Variants in TUSC3 observed in about 807,000 individuals in gnomAD.
TUSC3 encodes the protein tumor suppressor candidate 3.
A neutral mutation model predicts 44.8 loss-of-function variants in TUSC3; 45 were observed. That is an observed-to-expected ratio of 1.00 (90% CI 0.79 to 1.29). The LOEUF (loss-of-function observed/expected upper bound fraction) is 1.29, where lower values mean the gene tolerates loss of function less well. TUSC3 is among the 50% of genes most tolerant of loss of function. The pLI is 0.00. For missense variants in TUSC3, 519 were observed against 437.9 expected, an observed-to-expected ratio of 1.19 and a Z score of -1.65; for synonymous variants, 212 against 152.9, an observed-to-expected ratio of 1.39 and a Z score of -2.85.
chr8:15,670,357 A>G (rs951528060), intron 5 of TUSC3, among the ~76,000 whole-genome samples: 1 of 151,908 alleles, frequency 6.6e-6, no homozygotes, highest in Non-Finnish European at 1.5e-5. Context: ...ACATAAAGCC[A>G]TCTGGAACAG....
chr8:15,685,834 G>T (rs1216231345), intron 6 of TUSC3, among the ~76,000 whole-genome samples: 1 of 150,276 alleles, frequency 6.7e-6, no homozygotes, highest in Non-Finnish European at 1.5e-5. Flanking sequence ...GGAGTATTTT[G>T]TTGGGTATTC....
At chr8:15,810,960 A>G in the TUSC3 span, among the ~76,000 whole-genome samples, 1 of 152,154 alleles carries the variant, frequency 6.6e-6, no homozygotes, top group East Asian at 1.9e-4. Flanking sequence ...GTAAGGAGAC[A>G]TGATCGTGTG....
the TUSC3 span, among the ~76,000 whole-genome samples, chr8:15,775,661 TAC>T: frequency 1.4e-5 from 2 of 139,030 alleles, no homozygotes; most frequent in African/African-American, 2.7e-5. Context: ...CACACACATA[TAC>T]ATATATACAC....
intron 1 of TUSC3, among the ~76,000 whole-genome samples, chr8:15,622,306 T>C (rs1341935002): frequency 6.6e-6 from 1 of 150,744 alleles, no homozygotes; most frequent in Non-Finnish European, 1.5e-5. Context: ...CCTTTCTTTC[T>C]TTTTTTTTAG....
chr8:15,499,265 G>C (rs1220769191), intron 2 of TUSC3, among the ~76,000 whole-genome samples: 3 of 152,026 alleles, frequency 2.0e-5, no homozygotes, highest in Non-Finnish European at 4.4e-5. Flanking sequence ...GCATTTCTAT[G>C]TTTTCCTTAT....
intron 5 of TUSC3, among the ~76,000 whole-genome samples, chr8:15,671,130 T>C (rs1807930366): frequency 6.6e-6 from 1 of 151,958 alleles, no homozygotes; most frequent in South Asian, 2.1e-4. Context: ...TGTTTGGTTT[T>C]ATCTGCTAAA....
chr8:15,747,501 T>C (rs146526698), intron 8 of TUSC3, among the ~76,000 whole-genome samples: 1,660 of 152,114 alleles, frequency 0.011, 27 homozygotes, highest in African/African-American at 0.037. Context: ...TGGCTCAGAT[T>C]AAGTATTTAA....
chr8:15,585,659 C>T (rs533280793), intron 1 of TUSC3, among the ~76,000 whole-genome samples: 2 of 152,256 alleles, frequency 1.3e-5, no homozygotes, highest in African/African-American at 4.8e-5. Flanking sequence ...GTTTGTTCCC[C>T]TTACTGTGGA....
At chr8:15,586,397 A>G (rs1803604594) in intron 1 of TUSC3, among the ~76,000 whole-genome samples, 1 of 152,248 alleles carries the variant, frequency 6.6e-6, no homozygotes, top group South Asian at 2.1e-4. Flanking sequence ...GTGGGGTGGG[A>G]TGGAGAGACC....
chr8:15,437,007 A>T (rs944800007), intron 1 of TUSC3, among the ~76,000 whole-genome samples: 3 of 152,228 alleles, frequency 2.0e-5, no homozygotes, highest in Admixed American at 6.5e-5. Context: ...AAATTGATGC[A>T]TGAACACAGG....
the TUSC3 span, among the ~76,000 whole-genome samples, chr8:15,847,456 G>T: frequency 6.6e-6 from 1 of 152,080 alleles, no homozygotes; most frequent in African/African-American, 2.4e-5. Context: ...GCTGTCTCCT[G>T]TTGCCTCTTC....
chr8:15,611,002 T>G lies in TUSC3; in HGVS notation c.139-12078T>G, dbSNP rs528334422. ...ATTGTAGTACCGTCCACTGAAAGCT[T>G]CTTTTTCAAAAAAAGTGTGATATTA... On this transcript the variant is annotated intron_variant, in intron 1 of 10. Coordinates refer to ENST00000503731, the MANE Select transcript of TUSC3 (RefSeq NM_006765.4). Among the ~76,000 whole-genome samples, 5 of 152,264 alleles carry G rather than the reference T, an allele frequency of 3.3e-5. No individual in the cohort carries two copies. The South Asian group carries it at 8.3e-4, about 25-fold the overall frequency.
In TUSC3 at chr8:15,643,675, G is replaced by T. The variant is rs145651367; in HGVS notation, c.309-7022G>T. Among the ~76,000 whole-genome samples the T allele has an allele frequency of 4.1e-3, 621 of 152,222 alleles. 21 individuals are homozygous for T. The highest frequency in any genetic ancestry group is 0.038 in the Admixed American group (583 of 15,270). On this transcript the variant is annotated intron_variant, in intron 2 of 10. Coordinates refer to ENST00000503731, the MANE Select transcript of TUSC3 (RefSeq NM_006765.4). Reference sequence around the variant, plus strand: ...GAATTATTCAGTCAATTACAATATGGTAGTGAACTGTTGATTTCTCAGCTC... The same window carrying T: ...GAATTATTCAGTCAATTACAATATGTTAGTGAACTGTTGATTTCTCAGCTC...
At chr8:15,505,293 C>G (rs749878193) in intron 2 of TUSC3, among the ~76,000 whole-genome samples, 11 of 152,074 alleles carry the variant, frequency 7.2e-5, no homozygotes, top group Non-Finnish European at 1.5e-4. Flanking sequence ...TGTCAATTGT[C>G]AAAAAGAAAA....
intron 3 of TUSC3, among the ~76,000 whole-genome samples, chr8:15,653,423 G>A (rs891441648): frequency 6.6e-6 from 1 of 152,142 alleles, no homozygotes. Context: ...AGTACTGAAT[G>A]TAGGCTGCTG....
intron 1 of TUSC3, among the ~76,000 whole-genome samples, chr8:15,550,620 A>G (rs1357748600): frequency 6.6e-6 from 1 of 151,154 alleles, no homozygotes; most frequent in Non-Finnish European, 1.5e-5. Context: ...TTTCATTACT[A>G]TCATGATTCT....
chr8:15,504,668 T>C lies in TUSC3; in HGVS notation n.189+21185T>C, dbSNP rs1334305654. ...AAGTGGGTTTTTTTTTGTGTGTTTT[T>C]TTCGAGATGGAGTCTCGCTGTGTCC... On this transcript the variant is annotated intron_variant and non_coding_transcript_variant, in intron 2 of 5. Coordinates refer to the TUSC3 transcript ENST00000503191. 7.0e-5 allele frequency among the ~76,000 whole-genome samples: 10 copies of C among 143,138 alleles called. No homozygotes were observed. The East Asian group carries it at 1.5e-3, about 21-fold the overall frequency. The allele number at this position is 143,138 out of a possible 152,430, so 93.9% of individuals were successfully genotyped here.
At chr8:15,526,492 G>C (rs1176760419) in intron 2 of TUSC3, among the ~76,000 whole-genome samples, 1 of 152,186 alleles carries the variant, frequency 6.6e-6, no homozygotes, top group Non-Finnish European at 1.5e-5. Context: ...CCCAGTGGGA[G>C]ATAATTGAAT....
intron 6 of TUSC3, among the ~76,000 whole-genome samples, chr8:15,702,127 T>C (rs1809432973): frequency 6.6e-6 from 1 of 152,150 alleles, no homozygotes. Context: ...AGAGAGCCTA[T>C]TTTCTTGGCC....
Sources: allele counts gnomAD v4.1 joint callset (sites outside exome capture counted in the v4.1 genomes callset), GRCh38; gene constraint gnomAD v4.1.1; transcripts MANE v1.5; gene names NCBI Gene and HGNC (gene_info 2026-07-23, HGNC 2026-07-21).